The following ZNF385D variants were observed in gnomAD, a reference collection of about 807,000 sequenced individuals.
ZNF385D encodes the protein zinc finger protein 659.
In ZNF385D, 15 loss-of-function variants were observed where a neutral mutation model predicts 35.8. The observed-to-expected ratio is 0.42, with a 90% CI of 0.28 to 0.64. The LOEUF (loss-of-function observed/expected upper bound fraction) is 0.64. ZNF385D is among the 30% of genes least tolerant of loss of function. The pLI is 0.23. For missense variants in ZNF385D, 474 were observed against 494.6 expected (o/e 0.96, Z 0.39); for synonymous variants, 212 against 186.8 (o/e 1.13, Z -1.10).
chr3:22,061,499 A>C (rs1441066279), intron 3 of ZNF385D, among the ~76,000 whole-genome samples: 2 of 152,058 alleles, frequency 1.3e-5, no homozygotes, highest in African/African-American at 4.8e-5. Context: ...TCTTAAAAGT[A>C]TACCAGATTA....
chr3:22,094,452 C>A (rs984127703), intron 3 of ZNF385D, among the ~76,000 whole-genome samples: 1 of 100,644 alleles, frequency 9.9e-6, no homozygotes, highest in Admixed American at 1.0e-4. Context: ...AAAAGACACA[C>A]AGACAGACTT....
At chr3:21,551,649 G>A (rs1257332662) in intron 3 of ZNF385D, among the ~76,000 whole-genome samples, 4 of 152,218 alleles carry the variant, frequency 2.6e-5, no homozygotes, top group African/African-American at 7.2e-5. Flanking sequence ...CTTATTTTAA[G>A]ATGCTGATAA....
upstream of ZNF385D, among the ~76,000 whole-genome samples, chr3:21,753,431 C>G (rs9873889): frequency 6.6e-6 from 1 of 151,832 alleles, no homozygotes; most frequent in African/African-American, 2.4e-5. Flanking sequence ...CAGGGAGCAT[C>G]TGGTAATAGA....
At chr3:21,508,085 C>T (rs1706919511) in intron 4 of ZNF385D, among the ~76,000 whole-genome samples, 1 of 151,990 alleles carries the variant, frequency 6.6e-6, no homozygotes, top group Non-Finnish European at 1.5e-5. Flanking sequence ...TCCTAATGTC[C>T]ATCGCTTCCT....
rs1051581452 is a variant in ZNF385D at position 21,422,856 on chromosome 3, G to A, written c.954+1107C>T. On this transcript the variant is annotated intron_variant, in intron 7 of 7. Coordinates refer to ENST00000281523, the MANE Select transcript of ZNF385D (RefSeq NM_024697.3). ...CACATCTCAAAATAATAAGAGCCGT[G>A]TATGACAAACCCACAACCAACATCA... Among the ~76,000 whole-genome samples the A allele has an allele frequency of 2.6e-5, 4 of 152,092 alleles. No homozygotes were observed. The South Asian group carries it at 8.3e-4, about 32-fold the overall frequency.
chr3:22,170,967 T>A (rs972214787), intron 2 of ZNF385D, among the ~76,000 whole-genome samples: 1 of 152,184 alleles, frequency 6.6e-6, no homozygotes, highest in African/African-American at 2.4e-5. Flanking sequence ...TAAATTTACG[T>A]AGAGTATATT....
In ZNF385D at chr3:22,094,385, G is replaced by GATATATATATATATATATAT. The variant is rs140274686; in HGVS notation, c.325+74412_325+74431dup. ...CCATTGTCTTCTGTCATTTATTGTT[G>GATATATATATATATATATAT]ATATATATATATATATATATATATA... On this transcript the variant is annotated intron_variant, in intron 3 of 5. Transcript: ENST00000494108. Among the ~76,000 whole-genome samples the GATATATATATATATATATAT allele has an allele frequency of 6.2e-4, 44 of 70,808 alleles. 2 individuals are homozygous for GATATATATATATATATATAT. The highest frequency in any genetic ancestry group is 1.8e-3 in the African/African-American group (42 of 23,194). 46.5% of individuals were successfully genotyped at this position (70,808 alleles called of 152,430 possible). A position where few individuals can be genotyped will look rare whatever the true frequency, so the allele number is the denominator to read the frequency against.
intron 3 of ZNF385D, among the ~76,000 whole-genome samples, chr3:21,769,830 C>A (rs2070998060): frequency 6.7e-6 from 1 of 148,256 alleles, no homozygotes; most frequent in Non-Finnish European, 1.5e-5. Context: ...TACCTGACTT[C>A]AAACTATACT....
chr3:21,534,172 T>G (rs1230547308), intron 3 of ZNF385D, among the ~76,000 whole-genome samples: 3 of 152,052 alleles, frequency 2.0e-5, no homozygotes, highest in Non-Finnish European at 4.4e-5. Flanking sequence ...TAATAAGTGT[T>G]AAGACTAGAA....
intron 3 of ZNF385D, among the ~76,000 whole-genome samples, chr3:22,162,867 A>T (rs562810293): frequency 6.6e-6 from 1 of 152,190 alleles, no homozygotes. Context: ...TTTAAAAATC[A>T]TTGGTAGTGT....
At chr3:21,762,500 C>T (rs1475057037) in intron 3 of ZNF385D, among the ~76,000 whole-genome samples, 2 of 152,278 alleles carry the variant, frequency 1.3e-5, no homozygotes, top group East Asian at 1.9e-4. Context: ...CCTTAGGCCT[C>T]AAGACTAATG....
At chr3:21,992,112 G>T (rs180671785) in intron 3 of ZNF385D, among the ~76,000 whole-genome samples, 67 of 152,210 alleles carry the variant, frequency 4.4e-4, no homozygotes, top group Middle Eastern at 3.4e-3. Context: ...ATAATGCCCA[G>T]CAATCAGTAC....
chr3:22,030,255 T>TTATATA (rs1559316329), intron 3 of ZNF385D, among the ~76,000 whole-genome samples: 19 of 27,920 alleles, frequency 6.8e-4, no homozygotes, highest in African/African-American at 2.8e-3. Flanking sequence ...ATAAACTCAT[T>TTATATA]CATATATATA....
At chr3:21,789,509 C>T (rs1259606944) in intron 3 of ZNF385D, among the ~76,000 whole-genome samples, 1 of 152,104 alleles carries the variant, frequency 6.6e-6, no homozygotes, top group Non-Finnish European at 1.5e-5. Context: ...TGCACACACA[C>T]AGACACACAC....
At chr3:21,517,142 C>A (rs564298296) in intron 3 of ZNF385D, among the ~76,000 whole-genome samples, 4 of 151,866 alleles carry the variant, frequency 2.6e-5, no homozygotes, top group African/African-American at 9.7e-5. Flanking sequence ...CTAAATTTCT[C>A]AAAATGGAGT....
intron 2 of ZNF385D, among the ~76,000 whole-genome samples, chr3:22,188,627 T>G (rs1165586989): frequency 6.6e-6 from 1 of 151,958 alleles, no homozygotes; most frequent in Non-Finnish European, 1.5e-5. Flanking sequence ...TTTTTTGTAT[T>G]TTTTAGAAGA....
chr3:21,587,732 G>C (rs1292219965), intron 2 of ZNF385D, among the ~76,000 whole-genome samples: 1 of 152,094 alleles, frequency 6.6e-6, no homozygotes, highest in Non-Finnish European at 1.5e-5. Context: ...AACAGACTTT[G>C]AGTAACGTTA....
intron 2 of ZNF385D, among the ~76,000 whole-genome samples, chr3:22,173,817 G>A (rs748441102): frequency 3.5e-4 from 54 of 152,206 alleles, no homozygotes; most frequent in Middle Eastern, 6.8e-3. Context: ...TCCTGCCTGT[G>A]ACTAGGTAGG....
chr3:21,955,567 G>C (rs9810225), intron 3 of ZNF385D, among the ~76,000 whole-genome samples: 103,747 of 151,958 alleles, frequency 0.68, 36,561 homozygotes, highest in Non-Finnish European at 0.77. Flanking sequence ...CTGAAGCCTG[G>C]GTGAGGAAAC....
Sources: gnomAD v4.1 joint callset for allele counts (sites outside exome capture counted in the v4.1 genomes callset) on GRCh38, gnomAD v4.1.1 for gene constraint, MANE v1.5 for transcripts, NCBI Gene and HGNC (gene_info 2026-07-23, HGNC 2026-07-21) for gene names.